Variants in ATRNL1 observed in about 807,000 individuals in gnomAD.
The protein encoded by ATRNL1 is attractin like 1.
ATRNL1 carries 95 observed loss-of-function variants against 182.7 expected under a neutral mutation model. The ratio of observed to expected loss-of-function variants is 0.52; its 90% CI spans 0.44 to 0.62. The LOEUF (loss-of-function observed/expected upper bound fraction) is 0.62, where lower values mean the gene tolerates loss of function less well. ATRNL1 is among the 20% of genes least tolerant of loss of function. ATRNL1 has a pLI of 0.00. For missense variants in ATRNL1, 1,471 were observed against 1,679.5 expected, an observed-to-expected ratio of 0.88 and a Z score of 2.17; for synonymous variants, 576 against 568.3, an observed-to-expected ratio of 1.01 and a Z score of -0.19.
At chr10:115,614,702 G>T (rs1857342757) in intron 26 of ATRNL1, among the ~76,000 whole-genome samples, 1 of 152,034 alleles carries the variant, frequency 6.6e-6, no homozygotes, top group Non-Finnish European at 1.5e-5. Context: ...GTGTGCTCCA[G>T]TGCGTGTGTG....
chr10:115,516,812 G>T (rs1259643635), intron 24 of ATRNL1, among the ~76,000 whole-genome samples: 1 of 151,698 alleles, frequency 6.6e-6, no homozygotes, highest in African/African-American at 2.4e-5. Flanking sequence ...TTCTTATTTG[G>T]ATATAAGCTC....
intron 21 of ATRNL1, among the ~76,000 whole-genome samples, chr10:115,442,356 A>C (rs1006606958): frequency 6.7e-6 from 1 of 149,516 alleles, no homozygotes; most frequent in Middle Eastern, 3.5e-3. Context: ...GTAAACAATC[A>C]GGAACTTTTT....
At chr10:115,827,362 C>T (rs76994732) in intron 27 of ATRNL1, among the ~76,000 whole-genome samples, 5,832 of 152,192 alleles carry the variant, frequency 0.038, 329 homozygotes, top group African/African-American at 0.12. Context: ...TGGGATTTCA[C>T]AGTTTAAAAT....
intron 8 of ATRNL1, among the ~76,000 whole-genome samples, chr10:115,210,587 T>C (rs572333796): frequency 6.6e-6 from 1 of 152,002 alleles, no homozygotes; most frequent in Non-Finnish European, 1.5e-5. Flanking sequence ...GTAATTTTGA[T>C]ATATTAGTGA....
At chr10:115,396,373 G>A (rs1844289528) in intron 20 of ATRNL1, among the ~76,000 whole-genome samples, 3 of 151,932 alleles carry the variant, frequency 2.0e-5, no homozygotes, top group Admixed American at 1.3e-4. Flanking sequence ...CCAACTTCAT[G>A]GGCACGTGGC....
At chr10:115,160,484 G>A (rs1846732108) in intron 6 of ATRNL1, among the ~76,000 whole-genome samples, 1 of 149,006 alleles carries the variant, frequency 6.7e-6, no homozygotes, top group Non-Finnish European at 1.5e-5. Context: ...ATACAGGCAG[G>A]CCTTTGCCTA....
At chr10:115,359,473 A>G (rs1242929834) in intron 19 of ATRNL1, among the ~76,000 whole-genome samples, 2 of 151,562 alleles carry the variant, frequency 1.3e-5, no homozygotes, top group African/African-American at 4.8e-5. Context: ...CTGTTTTTAA[A>G]ATTATTGATT....
Position 115,445,506 on chromosome 10 carries a change from C to CATGT in ATRNL1, c.3323-16435_3323-16434insATGT, listed in dbSNP as rs880000224. On this transcript the variant is annotated intron_variant, in intron 21 of 28. Coordinates refer to ENST00000355044, the MANE Select transcript of ATRNL1 (RefSeq NM_207303.4). Reference sequence around the variant, plus strand: ...CTACTCTGTAAATAACTCATTTGTCCGTGTGTGTGTGTGTGTGTGTGTGTG... The same window carrying CATGT: ...CTACTCTGTAAATAACTCATTTGTCCATGTGTGTGTGTGTGTGTGTGTGTGTGTG... 3.8e-3 allele frequency among the ~76,000 whole-genome samples: 451 copies of CATGT among 119,268 alleles called. 1 individual carries two copies. Among genetic ancestry groups the CATGT allele is most frequent in the African/African-American group, 0.013 (432 of 32,286 alleles). The allele number at this position is 119,268 out of a possible 152,430, so 78.2% of individuals were successfully genotyped here.
chr10:115,120,397 A>G, intron 2 of ATRNL1, 129 bp downstream of exon 2: 1 of 478,394 alleles, frequency 2.1e-6, no homozygotes, highest in Non-Finnish European at 3.7e-6. Context: ...TAATATTTAC[A>G]ACTTCTAGAC....
At chr10:115,632,994 A>G (rs908682840) in intron 26 of ATRNL1, among the ~76,000 whole-genome samples, 3 of 151,690 alleles carry the variant, frequency 2.0e-5, no homozygotes, top group Non-Finnish European at 4.4e-5. Context: ...CCGGATTTAA[A>G]TGATTCTCAT....
chr10:115,639,382 A>G (rs1329044800), intron 26 of ATRNL1, among the ~76,000 whole-genome samples: 2 of 152,246 alleles, frequency 1.3e-5, no homozygotes, highest in African/African-American at 2.4e-5. Flanking sequence ...TTCCTTTAAA[A>G]TTGTGTAACA....
At chr10:115,349,835 T>G (rs781894171) in intron 19 of ATRNL1, among the ~76,000 whole-genome samples, 36 of 152,314 alleles carry the variant, frequency 2.4e-4, no homozygotes, top group Admixed American at 1.0e-3. Flanking sequence ...TTTGAGCTCC[T>G]TATGTGTTCT....
intron 26 of ATRNL1, among the ~76,000 whole-genome samples, chr10:115,606,693 C>G (rs1373655844): frequency 6.6e-6 from 1 of 152,000 alleles, no homozygotes; most frequent in African/African-American, 2.4e-5. Context: ...AGAGATGTTT[C>G]TATGACAGTA....
At chr10:115,596,618 G>A (rs1306583770) in intron 26 of ATRNL1, among the ~76,000 whole-genome samples, 2 of 152,102 alleles carry the variant, frequency 1.3e-5, no homozygotes, top group African/African-American at 2.4e-5. Context: ...AAATGTCAGT[G>A]AGCTGAAGGG....
intron 8 of ATRNL1, among the ~76,000 whole-genome samples, chr10:115,173,874 A>G (rs1847388337): frequency 6.6e-6 from 1 of 151,276 alleles, no homozygotes; most frequent in African/African-American, 2.4e-5. Flanking sequence ...CTTGCATACG[A>G]GAGAGTTGAA....
chr10:115,291,615 A>G (rs1852905942), intron 15 of ATRNL1, among the ~76,000 whole-genome samples: 1 of 152,000 alleles, frequency 6.6e-6, no homozygotes, highest in Admixed American at 6.6e-5. Flanking sequence ...ATCTATTGAG[A>G]TGATTGTATG....
rs114126250 is a variant in ATRNL1, at chr10:115,845,139, C to T, written c.3904-2738C>T. Among the ~76,000 whole-genome samples, 486 of 152,106 alleles carry T rather than the reference C, an allele frequency of 3.2e-3. 6 individuals carry two copies. Among genetic ancestry groups the T allele is most frequent in the African/African-American group, 0.011 (464 of 41,536 alleles). On this transcript the variant is annotated intron_variant, in intron 27 of 28. Coordinates refer to ENST00000355044, the MANE Select transcript of ATRNL1 (RefSeq NM_207303.4). Reference sequence around the variant, plus strand: ...CTGTGCTAGTAACTAATATTTTAAACAGAATGAATAATTCATATTTTTGCT... The same window carrying T: ...CTGTGCTAGTAACTAATATTTTAAATAGAATGAATAATTCATATTTTTGCT...
chr10:115,797,944 G>C (rs1409759023), intron 27 of ATRNL1, among the ~76,000 whole-genome samples: 1 of 152,030 alleles, frequency 6.6e-6, no homozygotes, highest in East Asian at 1.9e-4. Context: ...TTGAGACGGA[G>C]TCTCGCTCTG....
At chr10:115,325,034 A>G (rs782728051) in intron 18 of ATRNL1, among the ~76,000 whole-genome samples, 2 of 152,178 alleles carry the variant, frequency 1.3e-5, no homozygotes, top group Non-Finnish European at 2.9e-5. Flanking sequence ...AAATTTATTA[A>G]GATTGTCACA....
Sources: gnomAD v4.1 joint callset for allele counts (sites outside exome capture counted in the v4.1 genomes callset) on GRCh38, gnomAD v4.1.1 for gene constraint, MANE v1.5 for transcripts, NCBI Gene and HGNC (gene_info 2026-07-23, HGNC 2026-07-21) for gene names.